Variants in ACAN observed in about 807,000 individuals in gnomAD.
The protein encoded by ACAN is aggrecan core protein.
In ACAN, 47 loss-of-function variants were observed where a neutral mutation model predicts 169.1. That is an observed-to-expected ratio of 0.28 (90% CI 0.22 to 0.35). ACAN has a LOEUF of 0.35. Among genes scored for constraint, ACAN ranks in the 10% least tolerant of loss-of-function variants. ACAN has a pLI of 1.00. For missense variants in ACAN, 2,716 were observed against 2,759.9 expected (o/e 0.98, Z 0.36); for synonymous variants, 1,115 against 1,112.2 (o/e 1.00, Z -0.05).
Position 88,851,918 on chromosome 15 carries a change from G to A in ACAN, c.2151G>A (p.Glu717=), listed in dbSNP as rs2141595927. The A allele has an allele frequency of 6.2e-7, 1 of 1,612,712 alleles. No homozygotes were observed. The highest frequency in any genetic ancestry group is 8.5e-7 in the Non-Finnish European group (1 of 1,179,452). The change falls in exon 11 of 19, where the codon GAG becomes GAA. Residue 717 remains glutamate, a synonymous_variant. Transcript: ENST00000560601. This position sits in a 1 kb window ranked among gnomAD's most constrained non-coding sequence, Gnocchi z 4.3. ...TGGCTGCTGTCCCCGTAGAAGAGGA[G>A]ACAACTGCTGTACCCTCAGGGGAGA... ...PGVAAVPVEE[E]TTAVPSGETT...
chr15:88,805,481 G>C (rs1166910091), intron 1 of ACAN, among the ~76,000 whole-genome samples: 2 of 152,236 alleles, frequency 1.3e-5, no homozygotes, highest in African/African-American at 4.8e-5. Flanking sequence ...GAATTCCACA[G>C]GTTACCTTGA....
At position 88,859,060 on chromosome 15, in the gene ACAN, G is replaced by A. The variant is rs770733422; in HGVS notation, c.6475G>A (p.Gly2159Ser). The change falls in exon 12 of 19, where the codon GGC (glycine) becomes AGC (serine). Residue 2159 changes from glycine to serine, a missense_variant. Transcript: ENST00000560601. Reference protein sequence around the residue: ...VSGSTLTFQEGEASAAPEVSG... With the variant: ...VSGSTLTFQESEASAAPEVSG... ...CGGCAGCACTTTGACATTTCAAGAA[G>A]GCGAGGCGTCCGCTGCCCCAGAAGT... is the stretch of plus-strand genomic sequence containing the variant. The A allele has an allele frequency of 6.2e-7, 1 of 1,613,918 alleles. No homozygotes were observed. Among genetic ancestry groups the A allele is most frequent in the Non-Finnish European group, 8.5e-7 (1 of 1,179,900 alleles).
At chr15:88,823,257 CTT>C (rs1896124310) in intron 1 of ACAN, among the ~76,000 whole-genome samples, 1 of 152,214 alleles carries the variant, frequency 6.6e-6, no homozygotes, top group African/African-American at 2.4e-5. Context: ...CTGCTGGAAA[CTT>C]TGGGCTGAAG....
intron 1 of ACAN, among the ~76,000 whole-genome samples, chr15:88,810,319 C>G (rs994119021): frequency 6.6e-6 from 1 of 152,160 alleles, no homozygotes; most frequent in Non-Finnish European, 1.5e-5. Flanking sequence ...GGCTCTGTCC[C>G]TCCATGTCCT....
intron 1 of ACAN, among the ~76,000 whole-genome samples, chr15:88,832,050 A>C (rs746032398): frequency 6.6e-6 from 1 of 152,312 alleles, no homozygotes; most frequent in African/African-American, 2.4e-5. Context: ...CTTGAGTACA[A>C]TTGGAGCTGC....
rs749234782 is a variant in ACAN, at chr15:88,855,130, C to G, written c.2545C>G (p.Pro849Ala). The G allele has an allele frequency of 3.1e-6, 5 of 1,608,012 alleles. No individual in the cohort carries two copies. In the South Asian group the frequency reaches 5.5e-5, roughly 18 times the overall value. ...GCCGTATACACCTTCACCCCCCGTG[C>G]CCAGCTGGACTGAGCTGCCCAGCTC... is the stretch of plus-strand genomic sequence containing the variant. Reference protein sequence around the residue: ...EEPYTPSPPVPSWTELPSSGE... With the variant: ...EEPYTPSPPVASWTELPSSGE... The change falls in exon 12 of 19, where the codon CCC becomes GCC. Residue 849 changes from proline (P) to alanine (A), a missense_variant. Pro to Ala is a conservative substitution (Grantham distance 27). Around this residue, in one of 3 missense-constraint regions of ACAN, gnomAD observed 1,283 missense variants for 1,281.5 expected, o/e 1.00. Transcript: ENST00000560601.
At chr15:88,846,328 C>A (rs1206388375) in intron 7 of ACAN, among the ~76,000 whole-genome samples, 2 of 152,288 alleles carry the variant, frequency 1.3e-5, no homozygotes, top group East Asian at 3.9e-4. Context: ...GGCCAGTGGG[C>A]TGGGTTTAGC....
chr15:88,821,394 T>G (rs1896072714), intron 1 of ACAN, among the ~76,000 whole-genome samples: 2 of 152,180 alleles, frequency 1.3e-5, no homozygotes, highest in South Asian at 4.1e-4. Context: ...TCCAGGCTGG[T>G]CTCAAACTCC....
intron 1 of ACAN, among the ~76,000 whole-genome samples, chr15:88,835,156 T>C (rs1324377157): frequency 6.6e-6 from 1 of 152,170 alleles, no homozygotes; most frequent in African/African-American, 2.4e-5. Flanking sequence ...AAGAGCTCTC[T>C]AGGTGAACAT....
intron 11 of ACAN, among the ~76,000 whole-genome samples, chr15:88,852,850 T>G (rs1404412638): frequency 6.6e-6 from 1 of 152,234 alleles, no homozygotes; most frequent in East Asian, 1.9e-4. Context: ...TGTGTATACC[T>G]GGTAGAGTCA....
Position 88,869,943 on chromosome 15 carries a change from G to T in ACAN, c.7061-1439G>T, listed in dbSNP as rs897973763. Reference sequence around the variant, plus strand: ...GAAGTTGCACCCTCCAGCTCTGCCTGCCCAGCTCAGCCCTTAGCCACTGAA... The same window carrying T: ...GAAGTTGCACCCTCCAGCTCTGCCTTCCCAGCTCAGCCCTTAGCCACTGAA... On this transcript the variant is annotated intron_variant, in intron 14 of 18. Transcript: ENST00000560601. This position sits in a 1 kb window ranked among gnomAD's most constrained non-coding sequence, Gnocchi z 4.2. 3.3e-5 allele frequency among the ~76,000 whole-genome samples: 5 copies of T among 152,080 alleles called. No homozygotes were observed. Among genetic ancestry groups the T allele is most frequent in the Admixed American group, 3.3e-4 (5 of 15,262 alleles).
In ACAN at chr15:88,873,329, C is replaced by T. The variant is rs188051085; in HGVS notation, c.7447+304C>T. ...CACACAGTCCCTTGGATAGCAGCAG[C>T]AGAGTTACCCACAAGGGCCCCCAGA... On this transcript the variant is annotated intron_variant, in intron 17 of 18. Transcript: ENST00000560601. This position sits in a 1 kb window ranked among gnomAD's most constrained non-coding sequence, Gnocchi z 7.5. 7.2e-5 allele frequency among the ~76,000 whole-genome samples: 11 copies of T among 152,222 alleles called. No homozygotes were observed. The highest frequency in any genetic ancestry group is 1.5e-4 in the Non-Finnish European group (10 of 68,040).
At chr15:88,862,294 C>G (rs1897210673) in intron 13 of ACAN, among the ~76,000 whole-genome samples, 1 of 152,140 alleles carries the variant, frequency 6.6e-6, no homozygotes. Flanking sequence ...GAGATCTACC[C>G]CCACAGATTG....
At chr15:88,826,588 G>T (rs1045735631) in intron 1 of ACAN, among the ~76,000 whole-genome samples, 2 of 151,964 alleles carry the variant, frequency 1.3e-5, no homozygotes, top group Non-Finnish European at 2.9e-5. Context: ...CTCCAAAATG[G>T]ACCCTGTGTT....
chr15:88,837,283 C>T (rs1896529573), intron 2 of ACAN, among the ~76,000 whole-genome samples: 1 of 152,186 alleles, frequency 6.6e-6, no homozygotes, highest in South Asian at 2.1e-4. Context: ...CGGCCCAGCT[C>T]CCCATGCTCC....
rs1788105457 is a variant in ACAN, at chr15:88,848,052, T to C, written c.1732+14T>C. The C allele has an allele frequency of 6.2e-7, 1 of 1,611,908 alleles. No individual in the cohort carries two copies. Among genetic ancestry groups the C allele is most frequent in the Non-Finnish European group, 8.5e-7 (1 of 1,178,550 alleles). On this transcript the variant is annotated intron_variant, in intron 9 of 18. Transcript: ENST00000560601. The stretch of plus-strand genomic sequence containing the variant: ...ACAGACTTGAGGGTACAAGCCACAT[T>C]CTCACATTTCGGGCCCTAGATGGGC...
At chr15:88,848,158 T>C (rs977446071) in intron 9 of ACAN, 120 bp downstream of exon 9, 4 of 1,413,610 alleles carry the variant, frequency 2.8e-6, no homozygotes, top group Non-Finnish European at 3.8e-6. Context: ...CCACCCAGCT[T>C]TCCAGGTGGG....
At position 88,857,859 on chromosome 15, in the gene ACAN, G is replaced by A. The variant is rs1897094570; in HGVS notation, c.5274G>A (p.Leu1758=). 5 of 1,613,676 alleles carry A rather than the reference G, an allele frequency of 3.1e-6. No homozygotes were observed. In the South Asian group the frequency reaches 3.3e-5, roughly 11 times the overall value. ...CTGGAGTGACTGAGCTTAGCGGGCT[G>A]TCCTCTGGACAACCAGGTATTAGTG... ...ETSGVTELSG[L]SSGQPGISGE... is the part of the protein sequence containing the mutation. Residue 1758 remains leucine, a synonymous_variant, in exon 12 of 19, where the codon CTG becomes CTA. Coordinates refer to ENST00000560601, the MANE Select transcript of ACAN (RefSeq NM_001369268.1).
Position 88,845,520 on chromosome 15 carries a change from A to C in ACAN, c.1067A>C (p.Asp356Ala). 6.2e-7 allele frequency: 1 copy of C among 1,608,404 alleles called. No individual in the cohort carries two copies. The change falls in exon 7 of 19, where the codon GAC becomes GCC. Residue 356 changes from aspartate (D) to alanine (A), a missense_variant. Around this residue, in one of 3 missense-constraint regions of ACAN, gnomAD observed 1,283 missense variants for 1,281.5 expected, o/e 1.00. Coordinates refer to ENST00000560601, the MANE Select transcript of ACAN (RefSeq NM_001369268.1). ...AICYTGEDFV[D>A]IPENFFGVGG... Reference sequence around the variant, plus strand: ...CCTCCCCTAGGTGAAGACTTTGTGGACATCCCAGAAAACTTCTTTGGAGTG... The same window carrying C: ...CCTCCCCTAGGTGAAGACTTTGTGGCCATCCCAGAAAACTTCTTTGGAGTG...
Sources: allele counts gnomAD v4.1 joint callset (sites outside exome capture counted in the v4.1 genomes callset), GRCh38; gene constraint gnomAD v4.1.1; regional missense constraint gnomAD v4.1.1; non-coding constraint Gnocchi (gnomAD v3.1); transcripts MANE v1.5; gene names NCBI Gene and HGNC (gene_info 2026-07-23, HGNC 2026-07-21).